ZNF106: variants seen among roughly 807,000 people sequenced by gnomAD.
ZNF106 encodes zinc finger protein 106, also known as SH3-domain binding protein 3.
Under a neutral mutation model 195.1 loss-of-function variants are expected in ZNF106, and 67 were observed. That is an observed-to-expected ratio of 0.34 (90% confidence interval 0.28 to 0.42). ZNF106 has a LOEUF of 0.42. Ranked by LOEUF, ZNF106 falls within the 10% of genes least tolerant of loss-of-function variation. ZNF106 has a pLI of 1.00. For synonymous variants in ZNF106, 784 were observed against 818.6 expected (o/e 0.96, Z 0.72); for missense variants, 2,118 against 2,304.5 (o/e 0.92, Z 1.66).
intron 1 of ZNF106, among the ~76,000 whole-genome samples, chr15:42,485,270 T>C (rs2056987316): frequency 6.6e-6 from 1 of 152,172 alleles, no homozygotes; most frequent in Non-Finnish European, 1.5e-5. Flanking sequence ...CATTAGAAAG[T>C]GATGCAAGGT....
At chr15:42,419,013 C>T in intron 20 of ZNF106, among the ~76,000 whole-genome samples, 1 of 150,528 alleles carries the variant, frequency 6.6e-6, no homozygotes, top group African/African-American at 2.5e-5. Context: ...TTCACTTCAG[C>T]CCAGGAGCTC....
intron 3 of ZNF106, among the ~76,000 whole-genome samples, chr15:42,461,809 A>C (rs1385424020): frequency 5.3e-5 from 8 of 152,238 alleles, no homozygotes; most frequent in African/African-American, 1.9e-4. Flanking sequence ...CAGAGGAAAT[A>C]ATCACAAACT....
chr15:42,456,934 T>C (rs747028172), intron 4 of ZNF106, 24 bp downstream of exon 4: 1 of 1,602,598 alleles, frequency 6.2e-7, no homozygotes, highest in Non-Finnish European at 8.5e-7. Flanking sequence ...TAGATAGGCT[T>C]TTTTTAAAAA....
intron 14 of ZNF106, among the ~76,000 whole-genome samples, chr15:42,434,176 A>G (rs2055178523): frequency 6.6e-6 from 1 of 152,082 alleles, no homozygotes; most frequent in African/African-American, 2.4e-5. Flanking sequence ...GCTTGATCAC[A>G]AGCCTACTGG....
chr15:42,483,968 T>A (rs1246001962), intron 1 of ZNF106, among the ~76,000 whole-genome samples: 1 of 152,192 alleles, frequency 6.6e-6, no homozygotes, highest in East Asian at 1.9e-4. Flanking sequence ...TGAAACCCTA[T>A]CTCTTCTTTA....
chr15:42,451,131 G>C lies in ZNF106; in HGVS notation c.1141C>G (p.Leu381Val), dbSNP rs200060472. 1.1e-5 allele frequency: 18 copies of C among 1,614,180 alleles called. No individual in the cohort carries two copies. In the African/African-American group the frequency reaches 1.2e-4, roughly 11 times the overall value. ...RWTPYPSQKT[L>V]DLQSGLKDIT... Reference sequence around the variant, plus strand: ...TCTTTCAATCCCGACTGTAAATCCAGAGTCTTCTGAGAAGGGTAAGGCGTC... The same window carrying C: ...TCTTTCAATCCCGACTGTAAATCCACAGTCTTCTGAGAAGGGTAAGGCGTC... Residue 381 changes from leucine to valine, a missense_variant, in exon 5 of 22, where the codon CTG becomes GTG. Leu to Val is a conservative substitution (Grantham distance 32). Transcript: ENST00000564754.
At chr15:42,454,519 T>C (rs756976380) in intron 4 of ZNF106, among the ~76,000 whole-genome samples, 6 of 148,916 alleles carry the variant, frequency 4.0e-5, no homozygotes, top group Non-Finnish European at 8.9e-5. Flanking sequence ...GCTAAACCCA[T>C]AGACCAGAAA....
intron 2 of ZNF106, 71 bp downstream of exon 2, chr15:42,472,165 A>G: frequency 7.3e-7 from 1 of 1,370,814 alleles, no homozygotes; most frequent in Non-Finnish European, 9.9e-7. Flanking sequence ...TAATATTAAT[A>G]ACATCTATTA....
intron 1 of ZNF106, among the ~76,000 whole-genome samples, chr15:42,474,754 G>T (rs939171466): frequency 1.3e-5 from 2 of 151,866 alleles, no homozygotes; most frequent in Admixed American, 6.6e-5. Context: ...TCTATAAAAA[G>T]AAAGAAAGAA....
In ZNF106 at chr15:42,451,651, A is replaced by G; in HGVS notation, c.621T>C (p.Gly207=). ...CTACTGCTCCACTATTTGAAAGCCA[A>G]CCACCTCCAGAATTACTATGGTTGT... is the stretch of plus-strand genomic sequence containing the variant. The part of the protein sequence containing the change: ...WFHNHSNSGG[G]WLSNSGAVDW... The change falls in exon 5 of 22, where the codon GGT becomes GGC. Residue 207 remains glycine, a synonymous_variant. Transcript: ENST00000564754. 6.2e-7 allele frequency: 1 copy of G among 1,614,208 alleles called. No homozygotes were observed.
intron 15 of ZNF106, chr15:42,425,353 C>CT (rs921245622): frequency 9.9e-4 from 242 of 243,890 alleles, no homozygotes; most frequent in Middle Eastern, 2.8e-3. Context: ...AAGGGTGAAC[C>CT]TTTTTTTTTC....
chr15:42,441,540 T>C (rs1391458288), intron 10 of ZNF106, among the ~76,000 whole-genome samples: 3 of 152,206 alleles, frequency 2.0e-5, no homozygotes, highest in Non-Finnish European at 4.4e-5. Flanking sequence ...TTACATAGCT[T>C]AGACGTATTC....
chr15:42,425,170 G>A (rs1429203736), intron 15 of ZNF106, 145 bp from the exon 16 acceptor site: 6 of 766,342 alleles, frequency 7.8e-6, no homozygotes, highest in South Asian at 1.8e-5. Flanking sequence ...ATCCATCTCC[G>A]CTATTTCCCA....
chr15:42,489,690 T>C (rs1443135298), intron 1 of ZNF106, among the ~76,000 whole-genome samples: 1 of 152,200 alleles, frequency 6.6e-6, no homozygotes, highest in Non-Finnish European at 1.5e-5. Flanking sequence ...AAGCAAATTT[T>C]AAGATTTCCC....
intron 10 of ZNF106, among the ~76,000 whole-genome samples, chr15:42,441,285 G>A (rs1331127071): frequency 6.6e-6 from 1 of 151,444 alleles, no homozygotes; most frequent in Non-Finnish European, 1.5e-5. Flanking sequence ...CAAGCCTGTG[G>A]TGAGCTGTGA....
In ZNF106 at chr15:42,462,672, T is replaced by A. The variant is rs189336826; in HGVS notation, c.116+3381A>T. 1.6e-3 allele frequency among the ~76,000 whole-genome samples: 250 copies of A among 152,124 alleles called. 2 individuals carry two copies. The highest frequency in any genetic ancestry group is 5.9e-3 in the African/African-American group (243 of 41,502). On this transcript the variant is annotated intron_variant, in intron 3 of 21. Coordinates refer to ENST00000564754, the MANE Select transcript of ZNF106 (RefSeq NM_001366845.3). ...GATAGGATACGCACCAACCATTGAG[T>A]CTCCTCTAAGAGAGAAATAGGATTT...
rs2077940831 is a variant in ZNF106 at position 42,439,291 on chromosome 15, G to A, written c.4286C>T (p.Thr1429Ile). 6.2e-7 allele frequency: 1 copy of A among 1,614,100 alleles called. No individual in the cohort carries two copies. Among genetic ancestry groups the A allele is most frequent in the Non-Finnish European group, 8.5e-7 (1 of 1,180,044 alleles). The part of the protein sequence containing the change: ...VTTSTWEDSR[T>I]GREQESVRDE... ...TCTGACACTCTCCTGCTCCCGACCA[G>A]TCCTGCTGTCTTCCCAAGTGGAGGT... The change falls in exon 11 of 22, where the codon ACT (threonine) becomes ATT (isoleucine). Residue 1429 changes from threonine (T) to isoleucine (I), a missense_variant. Physicochemically the swap from Thr to Ile is moderately conservative, Grantham distance 89 (BLOSUM62 -1). Transcript: ENST00000564754.
chr15:42,449,717 G>C, intron 5 of ZNF106, 54 bp downstream of exon 5: 1 of 1,548,562 alleles, frequency 6.5e-7, no homozygotes, highest in Non-Finnish European at 8.7e-7. Context: ...CAGGGTCAAA[G>C]GGTTACTTTA....
intron 4 of ZNF106, among the ~76,000 whole-genome samples, chr15:42,454,326 C>T (rs1373227431): frequency 6.6e-6 from 1 of 152,098 alleles, no homozygotes; most frequent in Non-Finnish European, 1.5e-5. Context: ...TTTTTTATAA[C>T]CATTAACCAA....
Sources: allele counts gnomAD v4.1 joint callset (sites outside exome capture counted in the v4.1 genomes callset), GRCh38; gene constraint gnomAD v4.1.1; transcripts MANE v1.5; gene names NCBI Gene and HGNC (gene_info 2026-07-23, HGNC 2026-07-21).